Variants in HOXC8 observed in about 807,000 individuals in gnomAD.
HOXC8 encodes homeobox C8.
A neutral mutation model predicts 25.8 loss-of-function variants in HOXC8; 14 were observed. The ratio of observed to expected loss-of-function variants is 0.54; its 90% CI spans 0.36 to 0.85. The LOEUF is 0.85. Ranked by LOEUF, HOXC8 falls within the 40% of genes least tolerant of loss-of-function variation. The pLI is 0.01. For synonymous variants in HOXC8, 144 were observed against 124.6 expected (o/e 1.16, Z -1.04); for missense variants, 316 against 308.8 (o/e 1.02, Z -0.17).
rs1273542059 is a variant in HOXC8 at position 54,011,336 on chromosome 12, G to A, written c.684G>A (p.Glu228=). The A allele has an allele frequency of 6.6e-6, 10 of 1,504,058 alleles. No individual in the cohort carries two copies. The highest frequency in any genetic ancestry group is 2.8e-5 in the African/African-American group (2 of 70,408). The allele number at this position is 1,504,058 out of a possible 1,614,324, so 93.2% of individuals were successfully genotyped here. Reference sequence around the variant, plus strand: ...AGAAGGTGGAGGAAGAAGGAAATGAGGAAGAGGAGAAAGAAGAGGAGGAAA... The same window carrying A: ...AGAAGGTGGAGGAAGAAGGAAATGAAGAAGAGGAGAAAGAAGAGGAGGAAA... ...DEEKVEEEGN[E]EEEKEEEEKE... is the part of the protein sequence containing the mutation. Residue 228 remains glutamate (E), a synonymous_variant, in exon 2 of 2, where the codon GAG becomes GAA. Transcript: ENST00000040584.
rs1939994264 is a variant in HOXC8 at position 54,011,480 on chromosome 12, T to C, written c.*99T>C. On this transcript the variant is annotated 3_prime_UTR_variant, in exon 2 of 2. Transcript: ENST00000040584. ...AGTTTACGACTGTCATTTGCTTTTA[T>C]AGAGAATAGAATGACACTCACAACT... is the stretch of plus-strand genomic sequence containing the variant. 4 of 1,402,056 alleles carry C rather than the reference T, an allele frequency of 2.9e-6. 1 individual carries two copies. The highest frequency in any genetic ancestry group is 3.4e-5 in the South Asian group (2 of 59,008). 86.9% of individuals were successfully genotyped at this position (1,402,056 alleles called of 1,614,324 possible).
Position 54,009,201 on chromosome 12 carries a change from C to T in HOXC8, c.-84C>T. 1 of 1,237,244 alleles carries T rather than the reference C, an allele frequency of 8.1e-7. No individual in the cohort carries two copies. Among genetic ancestry groups the T allele is most frequent in the East Asian group, 2.3e-5 (1 of 42,674 alleles). The allele number at this position is 1,237,244 out of a possible 1,614,324, so 76.6% of individuals were successfully genotyped here. On this transcript the variant is annotated 5_prime_UTR_variant, in exon 1 of 2. Transcript: ENST00000040584. The surrounding 1 kb of genome is among the most constrained non-coding windows in gnomAD (Gnocchi z 5.0). Reference sequence around the variant, plus strand: ...GAGCCAGCTGGCCTGGGGTTCGGTCCCGGGGGGAGGGGAGTTTCGGGGGTA... The same window carrying T: ...GAGCCAGCTGGCCTGGGGTTCGGTCTCGGGGGGAGGGGAGTTTCGGGGGTA...
Position 54,011,461 on chromosome 12 carries a change from C to A in HOXC8, c.*80C>A. On this transcript the variant is annotated 3_prime_UTR_variant, in exon 2 of 2. Coordinates refer to ENST00000040584, the MANE Select transcript of HOXC8 (RefSeq NM_022658.4). ...GGTAGCAGATAAATTGAGAAGTTTA[C>A]GACTGTCATTTGCTTTTATAGAGAA... The A allele has an allele frequency of 1.4e-6, 2 of 1,428,514 alleles. No individual in the cohort carries two copies. Among genetic ancestry groups the A allele is most frequent in the East Asian group, 5.0e-5 (2 of 39,876 alleles). 88.5% of individuals were successfully genotyped at this position (1,428,514 alleles called of 1,614,324 possible).
chr12:54,009,255 G>C lies in HOXC8; in HGVS notation c.-30G>C, dbSNP rs1480462558. On this transcript the variant is annotated 5_prime_UTR_variant, in exon 1 of 2. Coordinates refer to ENST00000040584, the MANE Select transcript of HOXC8 (RefSeq NM_022658.4). The surrounding 1 kb of genome is among the most constrained non-coding windows in gnomAD (Gnocchi z 5.0). Reference sequence around the variant, plus strand: ...GGCGGGGTACTCGTGAGCCAGAGGGGAGGGGGCCGCGGGTTTTCATGTACC... The same window carrying C: ...GGCGGGGTACTCGTGAGCCAGAGGGCAGGGGGCCGCGGGTTTTCATGTACC... 2 of 1,537,566 alleles carry C rather than the reference G, an allele frequency of 1.3e-6. No homozygotes were observed. Among genetic ancestry groups the C allele is most frequent in the South Asian group, 2.5e-5 (2 of 81,096 alleles).
At position 54,011,650 on chromosome 12, in the gene HOXC8, T is replaced by C; in HGVS notation, c.*269T>C. On this transcript the variant is annotated 3_prime_UTR_variant, in exon 2 of 2. Coordinates refer to ENST00000040584, the MANE Select transcript of HOXC8 (RefSeq NM_022658.4). ...GTCTCACTCCTTGCCCCACACACAC[T>C]TGTCCCTGCCCCCACCCTTCTGAGT... 1 of 237,830 alleles carries C rather than the reference T, an allele frequency of 4.2e-6. No homozygotes were observed. Among genetic ancestry groups the C allele is most frequent in the Non-Finnish European group, 8.2e-6 (1 of 122,682 alleles). The allele number at this position is 237,830 out of a possible 1,614,324, so 14.7% of individuals were successfully genotyped here. A position where few individuals can be genotyped will look rare whatever the true frequency, so the allele number is the denominator to read the frequency against.
Position 54,011,188 on chromosome 12 carries a change from G to A in HOXC8, c.536G>A (p.Arg179Gln), listed in dbSNP as rs1358328877. ...AATCCTTATTTGACACGAAAACGTC[G>A]GATTGAAGTCTCTCATGCCCTGGGA... ...LFNPYLTRKR[R>Q]IEVSHALGLT... The change falls in exon 2 of 2, where the codon CGG becomes CAG. Residue 179 changes from arginine (R) to glutamine (Q), a missense_variant. Coordinates refer to ENST00000040584, the MANE Select transcript of HOXC8 (RefSeq NM_022658.4). 3 of 1,614,010 alleles carry A rather than the reference G, an allele frequency of 1.9e-6. No individual in the cohort carries two copies. The highest frequency in any genetic ancestry group is 1.1e-5 in the South Asian group (1 of 91,074).
At chr12:54,010,411 C>T (rs561648404) in intron 1 of HOXC8, among the ~76,000 whole-genome samples, 6 of 152,298 alleles carry the variant, frequency 3.9e-5, no homozygotes, top group African/African-American at 1.4e-4. Flanking sequence ...GTCCAGAAGA[C>T]CCTAGCCGCC....
intron 1 of HOXC8, among the ~76,000 whole-genome samples, chr12:54,010,071 C>T (rs146907770): frequency 6.6e-6 from 1 of 152,320 alleles, no homozygotes; most frequent in African/African-American, 2.4e-5. Flanking sequence ...GGGAATGGTA[C>T]CCTGAGTACC....
rs933592060 is a variant in HOXC8, at chr12:54,009,459, T to G, written c.175T>G (p.Phe59Val). ...FQHASHHVQD[F>V]FHHGTSGISN... ...GCACGCTTCGCACCACGTTCAAGAC[T>G]TCTTCCACCACGGCACCTCCGGCAT... The change falls in exon 1 of 2, where the codon TTC (phenylalanine) becomes GTC (valine). Residue 59 changes from phenylalanine to valine, a missense_variant. Transcript: ENST00000040584. This position sits in a 1 kb window ranked among gnomAD's most constrained non-coding sequence, Gnocchi z 5.0. The G allele has an allele frequency of 6.2e-7, 1 of 1,614,106 alleles. No individual in the cohort carries two copies. Among genetic ancestry groups the G allele is most frequent in the Non-Finnish European group, 8.5e-7 (1 of 1,180,000 alleles).
chr12:54,011,323 A>G lies in HOXC8; in HGVS notation c.671A>G (p.Glu224Gly). 6.5e-7 allele frequency: 1 copy of G among 1,534,328 alleles called. No individual in the cohort carries two copies. The highest frequency in any genetic ancestry group is 8.7e-7 in the Non-Finnish European group (1 of 1,145,400). The change falls in exon 2 of 2, where the codon GAA (glutamate) becomes GGA (glycine). Residue 224 changes from glutamate (E) to glycine (G), a missense_variant. Transcript: ENST00000040584. ...PGARDEEKVEEEGNEEEEKEE... is the reference protein window; with the variant it reads ...PGARDEEKVEGEGNEEEEKEE... ...GCCCGAGATGAGGAGAAGGTGGAGG[A>G]AGAAGGAAATGAGGAAGAGGAGAAA...
At position 54,009,439 on chromosome 12, in the gene HOXC8, C is replaced by T; in HGVS notation, c.155C>T (p.Ala52Val). The change falls in exon 1 of 2, where the codon GCT (alanine) becomes GTT (valine). Residue 52 changes from alanine to valine, a missense_variant. Ala to Val is a moderately conservative substitution (Grantham distance 64). Coordinates refer to ENST00000040584, the MANE Select transcript of HOXC8 (RefSeq NM_022658.4). The surrounding 1 kb of genome is among the most constrained non-coding windows in gnomAD (Gnocchi z 5.0). ...PGGSAPGFQHASHHVQDFFHH... is the reference protein window; with the variant it reads ...PGGSAPGFQHVSHHVQDFFHH... ...GGCTCGGCGCCCGGCTTCCAGCACG[C>T]TTCGCACCACGTTCAAGACTTCTTC... The T allele has an allele frequency of 6.2e-7, 1 of 1,614,178 alleles. No homozygotes were observed. Among genetic ancestry groups the T allele is most frequent in the Non-Finnish European group, 8.5e-7 (1 of 1,180,032 alleles).
At position 54,011,506 on chromosome 12, in the gene HOXC8, C is replaced by G. The variant is rs1042460736; in HGVS notation, c.*125C>G. The G allele has an allele frequency of 2.3e-5, 28 of 1,195,910 alleles. No individual in the cohort carries two copies. Among genetic ancestry groups the G allele is most frequent in the Non-Finnish European group, 3.0e-5 (27 of 904,308 alleles). The allele number at this position is 1,195,910 out of a possible 1,614,324, so 74.1% of individuals were successfully genotyped here. A position where few individuals can be genotyped will look rare whatever the true frequency, so the allele number is the denominator to read the frequency against. ...AGAGAATAGAATGACACTCACAACT[C>G]TAACTACCTGTCAGATACTTGCAGC... is the stretch of plus-strand genomic sequence containing the variant. On this transcript the variant is annotated 3_prime_UTR_variant, in exon 2 of 2. Transcript: ENST00000040584.
chr12:54,009,631 C>A lies in HOXC8; in HGVS notation c.347C>A (p.Ser116Tyr). 1 of 1,614,250 alleles carries A rather than the reference C, an allele frequency of 6.2e-7. No individual in the cohort carries two copies. The highest frequency in any genetic ancestry group is 2.2e-5 in the East Asian group (1 of 44,882). Residue 116 changes from serine to tyrosine, a missense_variant, in exon 1 of 2, where the codon TCC becomes TAC. Transcript: ENST00000040584. This position sits in a 1 kb window ranked among gnomAD's most constrained non-coding sequence, Gnocchi z 5.0. ...ASVVQYPDCK[S>Y]SANTNSSEGQ... Reference sequence around the variant, plus strand: ...GTGGTGCAATATCCCGACTGTAAATCCTCCGCCAACACTAACAGTAGCGAA... The same window carrying A: ...GTGGTGCAATATCCCGACTGTAAATACTCCGCCAACACTAACAGTAGCGAA...
Position 54,012,340 on chromosome 12 carries a change from C to T in HOXC8, c.*959C>T, listed in dbSNP as rs77729302. The T allele has an allele frequency of 7.7e-6, 1 of 129,534 alleles. No individual in the cohort carries two copies. The highest frequency in any genetic ancestry group is 2.4e-4 in the South Asian group (1 of 4,196). The allele number at this position is 129,534 out of a possible 1,614,324, so 8.0% of individuals were successfully genotyped here. A position where few individuals can be genotyped will look rare whatever the true frequency, so the allele number is the denominator to read the frequency against. On this transcript the variant is annotated 3_prime_UTR_variant, in exon 2 of 2. Coordinates refer to ENST00000040584, the MANE Select transcript of HOXC8 (RefSeq NM_022658.4). ...GAAAAAAAGAGAAAAAAATAAAAATCAAAAAAAAAAAAAAGAAAGAAAGAA... is the reference window on the plus strand; with the variant it reads ...GAAAAAAAGAGAAAAAAATAAAAATTAAAAAAAAAAAAAAGAAAGAAAGAA...
chr12:54,009,246 G>A lies in HOXC8; in HGVS notation c.-39G>A. The stretch of plus-strand genomic sequence containing the variant: ...GGGGTACTGGGCGGGGTACTCGTGA[G>A]CCAGAGGGGAGGGGGCCGCGGGTTT... On this transcript the variant is annotated 5_prime_UTR_variant, in exon 1 of 2. Transcript: ENST00000040584. The surrounding 1 kb of genome is among the most constrained non-coding windows in gnomAD (Gnocchi z 5.0). 2.0e-6 allele frequency: 3 copies of A among 1,516,568 alleles called. No individual in the cohort carries two copies. The highest frequency in any genetic ancestry group is 2.7e-6 in the Non-Finnish European group (3 of 1,121,048). The allele number at this position is 1,516,568 out of a possible 1,614,324, so 93.9% of individuals were successfully genotyped here.
At position 54,009,399 on chromosome 12, in the gene HOXC8, G is replaced by C. The variant is rs371713562; in HGVS notation, c.115G>C (p.Val39Leu). 8.6e-5 allele frequency: 138 copies of C among 1,613,964 alleles called. No homozygotes were observed. The highest frequency in any genetic ancestry group is 1.1e-4 in the Non-Finnish European group (135 of 1,179,992). Residue 39 changes from valine (V) to leucine (L), a missense_variant, in exon 1 of 2, where the codon GTG (valine) becomes CTG (leucine). Physicochemically the swap from Val to Leu is conservative, Grantham distance 32. Coordinates refer to ENST00000040584, the MANE Select transcript of HOXC8 (RefSeq NM_022658.4). This position sits in a 1 kb window ranked among gnomAD's most constrained non-coding sequence, Gnocchi z 5.0. ...GAGCGTGGGCAGGAGCCATGCGCTGGTGTACGGGCCCGGCGGCTCGGCGCC... is the reference window on the plus strand; with the variant it reads ...GAGCGTGGGCAGGAGCCATGCGCTGCTGTACGGGCCCGGCGGCTCGGCGCC... ...PQSVGRSHAL[V>L]YGPGGSAPGF...
intron 1 of HOXC8, among the ~76,000 whole-genome samples, chr12:54,010,518 G>C (rs1484728668): frequency 6.6e-6 from 1 of 152,220 alleles, no homozygotes; most frequent in Non-Finnish European, 1.5e-5. Context: ...CAATTTCGAA[G>C]TACAGGGGGA....
rs1939918727 is a variant in HOXC8, at chr12:54,009,065, G to A, written c.-220G>A. On this transcript the variant is annotated 5_prime_UTR_variant, in exon 1 of 2. Transcript: ENST00000040584. This position sits in a 1 kb window ranked among gnomAD's most constrained non-coding sequence, Gnocchi z 5.0. ...CGCCGCCCGCTCGCCGCCCGCCGCCGCCGCCGCCCGCGCCCCAGCCCCGGG... is the reference window on the plus strand; with the variant it reads ...CGCCGCCCGCTCGCCGCCCGCCGCCACCGCCGCCCGCGCCCCAGCCCCGGG... 1 of 182,054 alleles carries A rather than the reference G, an allele frequency of 5.5e-6. No individual in the cohort carries two copies. The highest frequency in any genetic ancestry group is 1.1e-5 in the Non-Finnish European group (1 of 90,136). The allele number at this position is 182,054 out of a possible 1,614,324, so 11.3% of individuals were successfully genotyped here.
chr12:54,011,144 A>G lies in HOXC8; in HGVS notation c.492A>G (p.Leu164=). The G allele has an allele frequency of 5.6e-6, 9 of 1,614,152 alleles. No homozygotes were observed. Among genetic ancestry groups the G allele is most frequent in the Non-Finnish European group, 5.9e-6 (7 of 1,180,036 alleles). The change falls in exon 2 of 2, where the codon CTA becomes CTG. Residue 164 remains leucine (L), a synonymous_variant. Transcript: ENST00000040584. The stretch of plus-strand genomic sequence containing the variant: ...ACAGCCGGTATCAGACCTTGGAACT[A>G]GAAAAGGAGTTTCTCTTTAATCCTT... ...QTYSRYQTLE[L]EKEFLFNPYL... is the part of the protein sequence containing the mutation.
Sources: gnomAD v4.1 joint callset for allele counts (sites outside exome capture counted in the v4.1 genomes callset) on GRCh38, gnomAD v4.1.1 for gene constraint, Gnocchi (gnomAD v3.1) non-coding constraint, MANE v1.5 for transcripts, NCBI Gene and HGNC (gene_info 2026-07-23, HGNC 2026-07-21) for gene names.